The following MAD1L1 variants were observed in gnomAD, a reference collection of about 807,000 sequenced individuals.
MAD1L1 encodes mitotic arrest deficient 1 like 1.
Under a neutral mutation model 96.9 loss-of-function variants are expected in MAD1L1, and 95 were observed. The observed-to-expected ratio is 0.98, with a 90% CI of 0.83 to 1.16. The LOEUF (loss-of-function observed/expected upper bound fraction) is 1.16, where lower values mean the gene tolerates loss of function less well. MAD1L1 is among the 50% of genes most tolerant of loss of function. The pLI, the probability that MAD1L1 is intolerant of heterozygous loss-of-function variation, is 0.00. For missense variants in MAD1L1, 1,007 were observed against 954.4 expected, an observed-to-expected ratio of 1.06 and a Z score of -0.73; for synonymous variants, 473 against 396.6, an observed-to-expected ratio of 1.19 and a Z score of -2.29.
intron 16 of MAD1L1, among the ~76,000 whole-genome samples, chr7:1,939,579 G>C (rs567902711): frequency 6.6e-6 from 1 of 152,074 alleles, no homozygotes; most frequent in Non-Finnish European, 1.5e-5. Flanking sequence ...AGCCAGGCCA[G>C]CACCACGCAT....
chr7:2,022,432 AC>A (rs1441162493), intron 12 of MAD1L1, among the ~76,000 whole-genome samples: 1 of 152,176 alleles, frequency 6.6e-6, no homozygotes, highest in Non-Finnish European at 1.5e-5. Context: ...GGAGTTCAAG[AC>A]CAGCCTGGCC....
intron 11 of MAD1L1, among the ~76,000 whole-genome samples, chr7:2,134,819 T>C (rs1035896536): frequency 5.9e-5 from 9 of 152,028 alleles, no homozygotes; most frequent in Non-Finnish European, 8.8e-5. Flanking sequence ...GTGGGCATGA[T>C]CTCCAGGCCC....
intron 17 of MAD1L1, among the ~76,000 whole-genome samples, chr7:1,904,169 G>A (rs200698915): frequency 6.7e-6 from 1 of 148,720 alleles, no homozygotes; most frequent in East Asian, 2.0e-4. Context: ...AGACGCTCTT[G>A]CAGAATTCAT....
chr7:1,910,882 G>A (rs564931362), intron 17 of MAD1L1, among the ~76,000 whole-genome samples: 2 of 152,332 alleles, frequency 1.3e-5, no homozygotes, highest in African/African-American at 4.8e-5. Context: ...TGTGACGCCA[G>A]TCAGGCGGGA....
chr7:1,885,046 A>G (rs974664186), intron 18 of MAD1L1, among the ~76,000 whole-genome samples: 4 of 152,202 alleles, frequency 2.6e-5, no homozygotes, highest in African/African-American at 7.2e-5. Context: ...TGGTGAGCAC[A>G]CTTCTCCAAC....
chr7:2,208,599 C>T (rs767666602), intron 10 of MAD1L1, among the ~76,000 whole-genome samples: 5 of 152,130 alleles, frequency 3.3e-5, no homozygotes, highest in African/African-American at 7.2e-5. Flanking sequence ...AAATCACAAA[C>T]GAGTCTTGGA....
At chr7:1,979,767 C>T (rs996856057) in intron 15 of MAD1L1, among the ~76,000 whole-genome samples, 1 of 152,156 alleles carries the variant, frequency 6.6e-6, no homozygotes, top group Admixed American at 6.5e-5. Context: ...GGCTGCTGCA[C>T]TGCCTGGGCT....
At position 2,133,123 on chromosome 7, in the gene MAD1L1, C is replaced by T. The variant is rs146257504; in HGVS notation, c.1073+16029G>A. 9.3e-3 allele frequency among the ~76,000 whole-genome samples: 1,286 copies of T among 138,800 alleles called. 17 individuals carry two copies. Among genetic ancestry groups the T allele is most frequent in the African/African-American group, 0.027 (956 of 35,582 alleles). The allele number at this position is 138,800 out of a possible 152,430, so 91.1% of individuals were successfully genotyped here. ...TTTGGTGAGGCACCTGTTCAGAGCT[C>T]ACCCATTTTCAATGCTGAGCATCTC... On this transcript the variant is annotated intron_variant, in intron 11 of 18. Transcript: ENST00000265854.
chr7:2,185,334 G>A (rs898894095), intron 10 of MAD1L1, among the ~76,000 whole-genome samples: 27 of 152,228 alleles, frequency 1.8e-4, no homozygotes, highest in African/African-American at 6.3e-4. Flanking sequence ...TCAGAACAGT[G>A]CTTGTCTCCC....
intron 11 of MAD1L1, among the ~76,000 whole-genome samples, chr7:2,117,522 G>C (rs1185401756): frequency 6.6e-6 from 1 of 152,192 alleles, no homozygotes; most frequent in African/African-American, 2.4e-5. Context: ...GTGAATCACA[G>C]GGGCAGTTAC....
Position 2,116,574 on chromosome 7 carries a change from G to GA in MAD1L1, c.1073+32577_1073+32578insT, listed in dbSNP as rs1562702945. On this transcript the variant is annotated intron_variant, in intron 11 of 18. Coordinates refer to ENST00000265854, the MANE Select transcript of MAD1L1 (RefSeq NM_001013836.2). ...CGTGGCAGGCCAGAGGGTTGGGGGGGGGGGGGGCTCCTGTGTGTACACAGG... is the reference window on the plus strand; with the variant it reads ...CGTGGCAGGCCAGAGGGTTGGGGGGGAGGGGGGGCTCCTGTGTGTACACAGG... Among the ~76,000 whole-genome samples, 10 of 150,506 alleles carry GA rather than the reference G, an allele frequency of 6.6e-5. 1 individual carries two copies. The highest frequency in any genetic ancestry group is 2.0e-4 in the Admixed American group (3 of 15,030).
At chr7:2,222,814 C>G (rs1019797013) in intron 4 of MAD1L1, 60 bp from the exon 5 acceptor site, 244 of 1,370,522 alleles carry the variant, frequency 1.8e-4, no homozygotes, top group Non-Finnish European at 2.2e-4. Context: ...AGCGGGGAGC[C>G]CTCACCCCCA....
chr7:2,155,640 C>T (rs1789794692), intron 10 of MAD1L1, among the ~76,000 whole-genome samples: 1 of 152,226 alleles, frequency 6.6e-6, no homozygotes, highest in African/African-American at 2.4e-5. Context: ...GGCAGACTCT[C>T]CTTCCTTTTG....
intron 10 of MAD1L1, among the ~76,000 whole-genome samples, chr7:2,150,228 G>A (rs1482312373): frequency 5.3e-5 from 8 of 152,114 alleles, no homozygotes; most frequent in Non-Finnish European, 1.0e-4. Context: ...GAGCAGCCTC[G>A]GGTGGATCCC....
chr7:1,820,869 C>A (rs1185656645), intron 18 of MAD1L1, among the ~76,000 whole-genome samples: 2 of 152,032 alleles, frequency 1.3e-5, no homozygotes, highest in Non-Finnish European at 1.5e-5. Context: ...ATCACGAGGT[C>A]AGGAGATCAA....
intron 17 of MAD1L1, among the ~76,000 whole-genome samples, chr7:1,915,418 G>T (rs1159016526): frequency 6.6e-6 from 1 of 152,174 alleles, no homozygotes; most frequent in Non-Finnish European, 1.5e-5. Flanking sequence ...CGCTTCCCGG[G>T]ACAGAAAGCT....
intron 9 of MAD1L1, 147 bp from the exon 10 acceptor site, chr7:2,213,420 C>A (rs1334796169): frequency 8.2e-6 from 6 of 734,314 alleles, no homozygotes; most frequent in Non-Finnish European, 1.4e-5. Context: ...TGCTCCAAGT[C>A]TGCTTGGAAG....
intron 15 of MAD1L1, among the ~76,000 whole-genome samples, chr7:1,970,578 C>T (rs986253561): frequency 6.6e-6 from 1 of 152,142 alleles, no homozygotes; most frequent in African/African-American, 2.4e-5. Flanking sequence ...AGGTGATCTG[C>T]CGGCCTTGGT....
intron 11 of MAD1L1, among the ~76,000 whole-genome samples, chr7:2,118,707 G>C (rs980533569): frequency 1.3e-5 from 2 of 152,170 alleles, no homozygotes; most frequent in African/African-American, 4.8e-5. Context: ...TCCATGGCAG[G>C]TTCATGCCGC....
Sources: allele counts gnomAD v4.1 joint callset (sites outside exome capture counted in the v4.1 genomes callset), GRCh38; gene constraint gnomAD v4.1.1; transcripts MANE v1.5; gene names NCBI Gene and HGNC (gene_info 2026-07-23, HGNC 2026-07-21).